P4HB: variants seen among roughly 807,000 people sequenced by gnomAD.
P4HB encodes protein disulfide-isomerase.
Under a neutral mutation model 52.6 loss-of-function variants are expected in P4HB, and 20 were observed. That is an observed-to-expected ratio of 0.38 (90% CI 0.27 to 0.55). The LOEUF (loss-of-function observed/expected upper bound fraction) is 0.55. Ranked by LOEUF, P4HB falls within the 20% of genes least tolerant of loss-of-function variation. The pLI is 0.74. For synonymous variants in P4HB, 296 were observed against 277.9 expected (o/e 1.07, Z -0.65); for missense variants, 601 against 669.2 (o/e 0.90, Z 1.12).
At chr17:81,859,103 G>T in intron 2 of P4HB, 78 bp downstream of exon 2, 1 of 1,380,956 alleles carries the variant, frequency 7.2e-7, no homozygotes, top group South Asian at 1.2e-5. Flanking sequence ...CCACCGCTCA[G>T]ACAGCTGCCC....
chr17:81,859,599 A>G lies in P4HB; in HGVS notation c.146-212T>C, dbSNP rs193078914. ...AGGCCGTGAACGACAAACTACCACCAACCAACACCAGCCCCCACTCTGCTA... is the reference window on the plus strand; with the variant it reads ...AGGCCGTGAACGACAAACTACCACCGACCAACACCAGCCCCCACTCTGCTA... On this transcript the variant is annotated intron_variant, in intron 1 of 10. Transcript: ENST00000331483. 235 of 577,268 alleles carry G rather than the reference A, an allele frequency of 4.1e-4. 4 individuals carry two copies. In the East Asian group the frequency reaches 6.5e-3, roughly 16 times the overall value. The allele number at this position is 577,268 out of a possible 1,614,324, so 35.8% of individuals were successfully genotyped here.
Position 81,860,520 on chromosome 17 carries a change from C to G in P4HB, c.-49G>C. On this transcript the variant is annotated 5_prime_UTR_variant, in exon 1 of 11. Coordinates refer to ENST00000331483, the MANE Select transcript of P4HB (RefSeq NM_000918.4). ...GCTTCGGTTGGCGCCGCCGGGACAG[C>G]GGGGGCGACGAGAGCGCGCGCCGGT... The G allele has an allele frequency of 8.1e-7, 1 of 1,231,894 alleles. No individual in the cohort carries two copies. The allele number at this position is 1,231,894 out of a possible 1,614,324, so 76.3% of individuals were successfully genotyped here.
intron 9 of P4HB, 85 bp from the exon 10 acceptor site, chr17:81,845,315 C>G: frequency 1.7e-6 from 2 of 1,183,068 alleles, no homozygotes; most frequent in East Asian, 4.9e-5. Flanking sequence ...TAGAGAAAGG[C>G]AGAGCAGGCC....
At chr17:81,852,430 T>G (rs539331603) in intron 4 of P4HB, among the ~76,000 whole-genome samples, 1 of 152,278 alleles carries the variant, frequency 6.6e-6, no homozygotes, top group Admixed American at 6.5e-5. Flanking sequence ...GGATGGGGGT[T>G]AACAGCCTGG....
At position 81,853,529 on chromosome 17, in the gene P4HB, G is replaced by A. The variant is rs556521683; in HGVS notation, c.624+1613C>T. ...GCGGAGCTTGCAGTGAGCTGAGATC[G>A]CGCCACTGCACTCCAGCCTGGGCGA... On this transcript the variant is annotated intron_variant, in intron 4 of 10. Transcript: ENST00000331483. 3.3e-5 allele frequency among the ~76,000 whole-genome samples: 5 copies of A among 151,782 alleles called. No homozygotes were observed. In the South Asian group the frequency reaches 1.0e-3, roughly 32 times the overall value.
At chr17:81,848,272 C>T (rs1021791241) in intron 4 of P4HB, among the ~76,000 whole-genome samples, 3 of 152,356 alleles carry the variant, frequency 2.0e-5, no homozygotes, top group Admixed American at 2.0e-4. Context: ...TGCTGCGGCA[C>T]AGACCCACAG....
In P4HB at chr17:81,859,983, G is replaced by C. The variant is rs553339949; in HGVS notation, c.145+344C>G. ...ACTGCTGTGGCAAGCTGAAGGTGGG[G>C]TGGGCAGGAGCGGGGCGCCTTCCGG... On this transcript the variant is annotated intron_variant, in intron 1 of 10. Coordinates refer to ENST00000331483, the MANE Select transcript of P4HB (RefSeq NM_000918.4). 2.3e-4 allele frequency: 50 copies of C among 220,210 alleles called. 1 individual carries two copies. The South Asian group carries it at 6.8e-3, about 30-fold the overall frequency. 13.6% of individuals were successfully genotyped at this position (220,210 alleles called of 1,614,324 possible).
intron 4 of P4HB, chr17:81,847,603 C>T: frequency 3.7e-6 from 2 of 534,998 alleles, no homozygotes; most frequent in South Asian, 4.2e-5. Context: ...CGCACGTGGT[C>T]CTCCAGCAAC....
chr17:81,851,727 G>C (rs1204710362), intron 4 of P4HB, among the ~76,000 whole-genome samples: 3 of 152,208 alleles, frequency 2.0e-5, no homozygotes, highest in Admixed American at 2.0e-4. Context: ...AAGAAGCCAG[G>C]AGGAGACACT....
In P4HB at chr17:81,845,617, C is replaced by T. The variant is rs772351343; in HGVS notation, c.1303G>A (p.Val435Ile). Residue 435 changes from valine (V) to isoleucine (I), a missense_variant, in exon 9 of 11, where the codon GTC (valine) becomes ATC (isoleucine). Physicochemically the swap from Val to Ile is conservative, Grantham distance 29. Coordinates refer to ENST00000331483, the MANE Select transcript of P4HB (RefSeq NM_000918.4). Reference protein sequence around the residue: ...MDSTANEVEAVKVHSFPTLKF... With the variant: ...MDSTANEVEAIKVHSFPTLKF... ...AGTGTGGGGAAGCTGTGCACTTTGA[C>T]GGCCTCCACCTCGTTGGCAGTCGAG... The T allele has an allele frequency of 6.8e-6, 11 of 1,612,588 alleles. No individual in the cohort carries two copies. Among genetic ancestry groups the T allele is most frequent in the South Asian group, 6.6e-5 (6 of 91,026 alleles).
rs1217155041 is a variant in P4HB, at chr17:81,855,124, C to T, written c.624+18G>A. On this transcript the variant is annotated intron_variant, in intron 4 of 10. Transcript: ENST00000331483. This position sits in a 1 kb window ranked among gnomAD's most constrained non-coding sequence, Gnocchi z 4.3. Reference sequence around the variant, plus strand: ...AACCCCAGAACTAACCTGGGCAGAGCTGCCTGGGGCCACTCACCTTCTTAA... The same window carrying T: ...AACCCCAGAACTAACCTGGGCAGAGTTGCCTGGGGCCACTCACCTTCTTAA... 1 of 1,613,390 alleles carries T rather than the reference C, an allele frequency of 6.2e-7. No individual in the cohort carries two copies. Among genetic ancestry groups the T allele is most frequent in the Non-Finnish European group, 8.5e-7 (1 of 1,179,584 alleles).
At chr17:81,848,892 A>C (rs944093482) in intron 4 of P4HB, among the ~76,000 whole-genome samples, 8 of 151,482 alleles carry the variant, frequency 5.3e-5, no homozygotes, top group East Asian at 1.9e-4. Context: ...CAAAAATACA[A>C]AAATTTAGCT....
chr17:81,844,592 A>G (rs550470784), intron 10 of P4HB, among the ~76,000 whole-genome samples: 26 of 152,104 alleles, frequency 1.7e-4, no homozygotes, highest in Non-Finnish European at 2.6e-4. Flanking sequence ...CCCACCTCCC[A>G]CTGTGCACCA....
intron 4 of P4HB, among the ~76,000 whole-genome samples, chr17:81,853,827 G>A (rs900058007): frequency 6.6e-6 from 1 of 152,150 alleles, no homozygotes; most frequent in South Asian, 2.1e-4. Flanking sequence ...CCCTGGCTCT[G>A]AGCGGCACAA....
In P4HB at chr17:81,843,508, A is replaced by G; in HGVS notation, c.*504T>C. ...TTTACCCAAAAATGCAAGAGCCATGATCAGTCATGGCGACACTGCAGGCGG... is the reference window on the plus strand; with the variant it reads ...TTTACCCAAAAATGCAAGAGCCATGGTCAGTCATGGCGACACTGCAGGCGG... On this transcript the variant is annotated 3_prime_UTR_variant, in exon 11 of 11. Transcript: ENST00000331483. 2.5e-6 allele frequency: 1 copy of G among 401,080 alleles called. No homozygotes were observed. Among genetic ancestry groups the G allele is most frequent in the Non-Finnish European group, 4.4e-6 (1 of 227,676 alleles). 24.8% of individuals were successfully genotyped at this position (401,080 alleles called of 1,614,324 possible).
chr17:81,855,746 C>T lies in P4HB; in HGVS notation c.353-160G>A. The T allele has an allele frequency of 1.3e-6, 1 of 749,114 alleles. No homozygotes were observed. The allele number at this position is 749,114 out of a possible 1,614,324, so 46.4% of individuals were successfully genotyped here. A position where few individuals can be genotyped will look rare whatever the true frequency, so the allele number is the denominator to read the frequency against. On this transcript the variant is annotated intron_variant, in intron 2 of 10. Transcript: ENST00000331483. The surrounding 1 kb of genome is among the most constrained non-coding windows in gnomAD (Gnocchi z 4.3). ...ATGGAAGAGGCCCGGTGCCGTCCGC[C>T]CGCCTCCTAAACCCCAGTGTACGTG... is the stretch of plus-strand genomic sequence containing the variant.
Position 81,847,070 on chromosome 17 carries a change from T to C in P4HB, c.732A>G (p.Thr244=). 6.2e-7 allele frequency: 1 copy of C among 1,614,048 alleles called. No homozygotes were observed. The change falls in exon 6 of 11, where the codon ACA becomes ACG. Residue 244 remains threonine, a splice_region_variant and synonymous_variant. Coordinates refer to ENST00000331483, the MANE Select transcript of P4HB (RefSeq NM_000918.4). ...LPLVIEFTEQ[T]APKIFGGEIK... ...TTTCACCTCCAAAAATCTTCGGGGC[T>C]GTCTGTGTTATAAACTTAAGTTACT...
chr17:81,845,727 C>T lies in P4HB; in HGVS notation c.1193G>A (p.Gly398Asp). 6.2e-7 allele frequency: 1 copy of T among 1,613,556 alleles called. No individual in the cohort carries two copies. Among genetic ancestry groups the T allele is most frequent in the Middle Eastern group, 1.7e-4 (1 of 6,060 alleles). The change falls in exon 9 of 11, where the codon GGT becomes GAT. Residue 398 changes from glycine (G) to aspartate (D), a missense_variant. Transcript: ENST00000331483. ...VFVEFYAPWC[G>D]HCKQLAPIWD... ...AATGGGAGCCAACTGTTTGCAGTGA[C>T]CACACCATGGGGCATCTGAAAAGAA...
chr17:81,845,825 G>A (rs199828535), intron 8 of P4HB, 46 bp downstream of exon 8: 25 of 1,613,788 alleles, frequency 1.5e-5, no homozygotes, highest in East Asian at 6.7e-5. Flanking sequence ...TACCTTGCGC[G>A]TGCCCTGGTG....
Sources: allele counts gnomAD v4.1 joint callset (sites outside exome capture counted in the v4.1 genomes callset), GRCh38; gene constraint gnomAD v4.1.1; non-coding constraint Gnocchi (gnomAD v3.1); transcripts MANE v1.5; gene names NCBI Gene and HGNC (gene_info 2026-07-23, HGNC 2026-07-21).